Variants in MYO10 observed in about 807,000 individuals in gnomAD.
The protein encoded by MYO10 is unconventional myosin-X.
MYO10 carries 133 observed loss-of-function variants against 257.3 expected under a neutral mutation model. That is an observed-to-expected ratio of 0.52 (90% CI 0.45 to 0.60). The LOEUF is 0.60. MYO10 is among the 20% of genes least tolerant of loss of function. MYO10 has a pLI of 0.00. For missense variants in MYO10, 2,399 were observed against 2,635.7 expected (o/e 0.91, Z 1.97); for synonymous variants, 1,104 against 1,028.6 (o/e 1.07, Z -1.40).
chr5:16,760,319 G>A (rs1345945156), intron 17 of MYO10, among the ~76,000 whole-genome samples: 3 of 149,172 alleles, frequency 2.0e-5, no homozygotes, highest in African/African-American at 7.4e-5. Context: ...AAAATAGCCA[G>A]GCGTGGTGGC....
chr5:16,800,507 C>A (rs1425736847), intron 3 of MYO10, among the ~76,000 whole-genome samples: 1 of 152,212 alleles, frequency 6.6e-6, no homozygotes, highest in Non-Finnish European at 1.5e-5. Flanking sequence ...AAGGGTACAG[C>A]ATGTGCTCGT....
intron 6 of MYO10, among the ~76,000 whole-genome samples, chr5:16,781,168 T>C (rs1741411190): frequency 6.6e-6 from 1 of 151,750 alleles, no homozygotes; most frequent in Non-Finnish European, 1.5e-5. Flanking sequence ...CAACCTCTGC[T>C]ACCTGGGTTC....
Position 16,701,857 on chromosome 5 carries a change from G to T in MYO10, c.2557-19C>A. 1 of 1,567,422 alleles carries T rather than the reference G, an allele frequency of 6.4e-7. No individual in the cohort carries two copies. The highest frequency in any genetic ancestry group is 8.6e-7 in the Non-Finnish European group (1 of 1,162,722). ...CTTCTTCCTGGACAGAAGCAGAAGGGAGATTTCAGAAGGCTTCAGTACAAA... is the reference window on the plus strand; with the variant it reads ...CTTCTTCCTGGACAGAAGCAGAAGGTAGATTTCAGAAGGCTTCAGTACAAA... On this transcript the variant is annotated intron_variant, in intron 24 of 40. Coordinates refer to ENST00000513610, the MANE Select transcript of MYO10 (RefSeq NM_012334.3). This position sits in a 1 kb window ranked among gnomAD's most constrained non-coding sequence, Gnocchi z 8.1.
chr5:16,730,201 C>T lies in MYO10; in HGVS notation c.1930-18956G>A, dbSNP rs558041182. Among the ~76,000 whole-genome samples, 4 of 152,342 alleles carry T rather than the reference C, an allele frequency of 2.6e-5. No individual in the cohort carries two copies. The South Asian group carries it at 8.3e-4, about 32-fold the overall frequency. On this transcript the variant is annotated intron_variant, in intron 19 of 40. Coordinates refer to ENST00000513610, the MANE Select transcript of MYO10 (RefSeq NM_012334.3). ...GGAAGGACCAAGAGAACTACAGGCA[C>T]ATGGATCCAAGTCCTGACCCTGTGG...
chr5:16,672,581 C>T, intron 37 of MYO10, 108 bp downstream of exon 37: 1 of 1,345,156 alleles, frequency 7.4e-7, no homozygotes, highest in Non-Finnish European at 1.0e-6. Context: ...ATAAAACTAA[C>T]TCCAATACAG....
chr5:16,694,663 A>C (rs886097195), intron 26 of MYO10, 49 bp from the exon 27 acceptor site: 1 of 1,603,786 alleles, frequency 6.2e-7, no homozygotes, highest in Non-Finnish European at 8.5e-7. Context: ...AAGTCAGTCA[A>C]GTTGGATGAC....
At chr5:16,875,818 C>G (rs905804983) in intron 2 of MYO10, among the ~76,000 whole-genome samples, 1 of 152,210 alleles carries the variant, frequency 6.6e-6, no homozygotes, top group African/African-American at 2.4e-5. Flanking sequence ...AACTTACAAA[C>G]TCAATTCATA....
intron 2 of MYO10, among the ~76,000 whole-genome samples, chr5:16,865,521 G>A (rs1744219166): frequency 6.6e-6 from 1 of 152,128 alleles, no homozygotes; most frequent in Non-Finnish European, 1.5e-5. Flanking sequence ...GTATCCAAGA[G>A]GAAAGCAGTT....
chr5:16,857,026 C>T (rs1389788423), intron 2 of MYO10, among the ~76,000 whole-genome samples: 3 of 152,186 alleles, frequency 2.0e-5, no homozygotes, highest in Admixed American at 2.0e-4. Context: ...AACTGATCTT[C>T]CATGTTAAAA....
intron 30 of MYO10, among the ~76,000 whole-genome samples, chr5:16,682,875 A>C (rs1047462239): frequency 6.6e-6 from 1 of 152,178 alleles, no homozygotes; most frequent in Non-Finnish European, 1.5e-5. Context: ...ACCCTGAATG[A>C]GGATGCAAAA....
chr5:16,721,900 T>C (rs1295466448), intron 19 of MYO10, among the ~76,000 whole-genome samples: 1 of 152,166 alleles, frequency 6.6e-6, no homozygotes, highest in Non-Finnish European at 1.5e-5. Flanking sequence ...CACATGCCAG[T>C]TTAAGACAAA....
intron 1 of MYO10, among the ~76,000 whole-genome samples, chr5:16,933,728 A>C (rs1746356340): frequency 6.6e-6 from 1 of 152,200 alleles, no homozygotes; most frequent in African/African-American, 2.4e-5. Flanking sequence ...GCTGGGATCT[A>C]TGTTAAGAGT....
At chr5:16,767,655 T>C (rs1034393020) in intron 10 of MYO10, among the ~76,000 whole-genome samples, 3 of 152,076 alleles carry the variant, frequency 2.0e-5, no homozygotes, top group Non-Finnish European at 4.4e-5. Flanking sequence ...TTTTTAAACA[T>C]CTCATTTTAA....
chr5:16,930,288 C>A (rs1309941428), intron 1 of MYO10, among the ~76,000 whole-genome samples: 2 of 152,078 alleles, frequency 1.3e-5, no homozygotes, highest in Non-Finnish European at 2.9e-5. Context: ...GAGAGGCCTG[C>A]CTGCACAAAG....
At position 16,935,791 on chromosome 5, in the gene MYO10, G is replaced by C. The variant is rs572111428; in HGVS notation, c.18C>G (p.Thr6=). 1 of 1,613,270 alleles carries C rather than the reference G, an allele frequency of 6.2e-7. No homozygotes were observed. Among genetic ancestry groups the C allele is most frequent in the Non-Finnish European group, 8.5e-7 (1 of 1,179,722 alleles). ...GTCGGACTGGGAGCGCACTTACCTC[G>C]GTGAAGAAGTTATCCATTGTTCCAG... MDNFF[T]EGTRVWLREN... is the part of the protein sequence containing the mutation. Residue 6 remains threonine, a synonymous_variant, in exon 1 of 41, where the codon ACC becomes ACG. Coordinates refer to ENST00000513610, the MANE Select transcript of MYO10 (RefSeq NM_012334.3).
chr5:16,754,988 C>A, intron 18 of MYO10, 80 bp from the exon 19 acceptor site: 1 of 878,182 alleles, frequency 1.1e-6, no homozygotes. Context: ...CACTTAGAAA[C>A]AATAATTTAA....
intron 3 of MYO10, chr5:16,814,471 A>G (rs1291187107): frequency 1.3e-5 from 2 of 152,026 alleles, no homozygotes; most frequent in Non-Finnish European, 2.9e-5. Context: ...AAGTTGGTAC[A>G]CTTATGGTAA....
chr5:16,805,458 CAAA>C (rs36126574), intron 3 of MYO10, among the ~76,000 whole-genome samples: 91 of 78,326 alleles, frequency 1.2e-3, no homozygotes, highest in African/African-American at 3.6e-3. Flanking sequence ...GACTCCATCT[CAAA>C]AAAAAAAAAA....
At position 16,845,583 on chromosome 5, in the gene MYO10, T is replaced by C. The variant is rs117188302; in HGVS notation, c.121-27416A>G. The stretch of plus-strand genomic sequence containing the variant: ...TCCAGAGTTGAGGCAGGAGGATTGC[T>C]TGAGCCCAGGAGCTCTCATGGCACC... On this transcript the variant is annotated intron_variant, in intron 2 of 40. Transcript: ENST00000513610. Among the ~76,000 whole-genome samples the C allele has an allele frequency of 5.8e-4, 89 of 152,240 alleles. No homozygotes were observed. The East Asian group carries it at 0.016, about 28-fold the overall frequency.
Sources: gnomAD v4.1 joint callset for allele counts (sites outside exome capture counted in the v4.1 genomes callset) on GRCh38, gnomAD v4.1.1 for gene constraint, Gnocchi (gnomAD v3.1) non-coding constraint, MANE v1.5 for transcripts, NCBI Gene and HGNC (gene_info 2026-07-23, HGNC 2026-07-21) for gene names.